The following DIPK2B variants were observed in gnomAD, a reference collection of about 807,000 sequenced individuals.
DIPK2B encodes the protein divergent protein kinase domain 2B, also known as UPF0672 protein CXorf36.
Under a neutral mutation model 22.2 loss-of-function variants are expected in DIPK2B, and 15 were observed. The observed-to-expected ratio is 0.68, with a 90% CI of 0.45 to 1.04. DIPK2B has a LOEUF of 1.04. Among genes scored for constraint, DIPK2B ranks in the 50% least tolerant of loss-of-function variants. The probability of loss-of-function intolerance (pLI) is 0.00; values close to 1 mark genes in which losing one functional copy is unlikely to be tolerated. For missense variants in DIPK2B, 345 were observed against 348.3 expected (o/e 0.99, Z 0.08); for synonymous variants, 163 against 153.2 (o/e 1.06, Z -0.47).
At position 45,151,404 on chromosome X, in the gene DIPK2B, G is replaced by A. The variant is rs951743589; in HGVS notation, c.*248C>T. 14 of 406,108 alleles carry A rather than the reference G, an allele frequency of 3.4e-5. No individual in the cohort carries two copies. Among genetic ancestry groups the A allele is most frequent in the Non-Finnish European group, 5.5e-5 (13 of 234,797 alleles). The allele number at this position is 406,108 out of a possible 1,213,427, so 33.5% of individuals were successfully genotyped here. A position where few individuals can be genotyped will look rare whatever the true frequency, so the allele number is the denominator to read the frequency against. On this transcript the variant is annotated 3_prime_UTR_variant, in exon 5 of 5. Transcript: ENST00000398000. ...TCTGGTGGAGAACAGAGGAAACTGA[G>A]GCTCAAAGACATTGAGTGAGCGTCC...
At chrX:45,165,962 C>T (rs1284195639) in intron 2 of DIPK2B, among the ~76,000 whole-genome samples, 1 of 111,875 alleles carries the variant, frequency 8.9e-6, no homozygotes, top group Non-Finnish European at 1.9e-5. Context: ...CCCTATGTCC[C>T]CTTATAGCTG....
chrX:45,160,743 G>A (rs1292298566), intron 2 of DIPK2B, among the ~76,000 whole-genome samples: 2 of 112,054 alleles, frequency 1.8e-5, no homozygotes. Context: ...GAAGACAGAT[G>A]AAGTCATTTT....
chrX:45,157,965 G>T (rs2047004131), intron 2 of DIPK2B, 77 bp from the exon 3 acceptor site: 1 of 352,840 alleles, frequency 2.8e-6, no homozygotes, highest in South Asian at 1.0e-4. Context: ...GCAGGAGGGG[G>T]AATGGGCAGA....
chrX:45,187,482 A>G (rs892909490), intron 2 of DIPK2B, among the ~76,000 whole-genome samples: 302 of 109,582 alleles, frequency 2.8e-3, no homozygotes, highest in African/African-American at 9.6e-3. Flanking sequence ...ACACACACAC[A>G]CACACACACA....
intron 2 of DIPK2B, among the ~76,000 whole-genome samples, chrX:45,184,654 T>C (rs946239290): frequency 8.9e-6 from 1 of 112,183 alleles, no homozygotes; most frequent in African/African-American, 3.2e-5. Flanking sequence ...AAATTATTAC[T>C]GCCATAAGTG....
At position 45,185,191 on chromosome X, in the gene DIPK2B, G is replaced by T. The variant is rs73477195; in HGVS notation, c.498+6560C>A. On this transcript the variant is annotated intron_variant, in intron 2 of 4. Transcript: ENST00000398000. ...ATAGATAAATACTATATATTATATA[G>T]TTTAACCTTTGATTCCTTCATAGCA... 6.6e-3 allele frequency among the ~76,000 whole-genome samples: 742 copies of T among 111,786 alleles called. 8 individuals are homozygous for T. Among genetic ancestry groups the T allele is most frequent in the Middle Eastern group, 0.028 (6 of 217 alleles).
At chrX:45,175,481 A>G (rs2047111973) in intron 2 of DIPK2B, among the ~76,000 whole-genome samples, 1 of 108,649 alleles carries the variant, frequency 9.2e-6, no homozygotes. Context: ...AGACTAGAAG[A>G]AAAAACACCA....
At chrX:45,179,508 A>C (rs1198623744) in intron 2 of DIPK2B, among the ~76,000 whole-genome samples, 4 of 111,650 alleles carry the variant, frequency 3.6e-5, no homozygotes, top group African/African-American at 1.3e-4. Context: ...TTAAGATTTT[A>C]AGAAAATAGA....
At chrX:45,185,477 G>A (rs751223104) in intron 2 of DIPK2B, among the ~76,000 whole-genome samples, 12 of 110,458 alleles carry the variant, frequency 1.1e-4, no homozygotes, top group Admixed American at 9.6e-4. Context: ...CTTCGGTTAC[G>A]TTTTGGCTGG....
rs758871668 is a variant in DIPK2B at position 45,157,892 on chromosome X, C to T, written c.499-4G>A. On this transcript the variant is annotated splice_polypyrimidine_tract_variant and splice_region_variant and intron_variant, in intron 2 of 4. Transcript: ENST00000398000. ...GCAGGAGCGGGCTGGCCAGGCCCTA[C>T]GCGCAGGTGGGAGAGAGGCGGGAGA... 1.2e-5 allele frequency: 13 copies of T among 1,085,656 alleles called. No individual in the cohort carries two copies. The African/African-American group carries it at 2.1e-4, about 18-fold the overall frequency. The allele number at this position is 1,085,656 out of a possible 1,213,427, so 89.5% of individuals were successfully genotyped here. A position where few individuals can be genotyped will look rare whatever the true frequency, so the allele number is the denominator to read the frequency against.
intron 1 of DIPK2B, among the ~76,000 whole-genome samples, chrX:45,199,875 GTGATGCC>G (rs928320900): frequency 9.0e-6 from 1 of 111,206 alleles, no homozygotes; most frequent in African/African-American, 3.3e-5. Flanking sequence ...AATTCCAAGT[GTGATGCC>G]ATTCTTTGCT....
chrX:45,180,298 C>T (rs2047142791), intron 2 of DIPK2B, among the ~76,000 whole-genome samples: 1 of 111,874 alleles, frequency 8.9e-6, no homozygotes, highest in Admixed American at 9.5e-5. Flanking sequence ...AAGGCTCACC[C>T]AGCCTTGAAG....
At chrX:45,167,551 T>C (rs1157594458) in intron 2 of DIPK2B, among the ~76,000 whole-genome samples, 2 of 106,476 alleles carry the variant, frequency 1.9e-5, no homozygotes, top group Non-Finnish European at 1.9e-5. Flanking sequence ...GTTTTCCTAC[T>C]ACAGTACATG....
chrX:45,165,741 C>A (rs984333539), intron 2 of DIPK2B, among the ~76,000 whole-genome samples: 25 of 112,082 alleles, frequency 2.2e-4, no homozygotes, highest in African/African-American at 7.4e-4. Flanking sequence ...TAAAAAGAAC[C>A]AGAGACACTG....
intron 1 of DIPK2B, among the ~76,000 whole-genome samples, chrX:45,198,554 C>G (rs945880492): frequency 1.8e-5 from 2 of 111,508 alleles, no homozygotes; most frequent in East Asian, 2.8e-4. Context: ...TGGACTCTAA[C>G]GGAATGCAAA....
chrX:45,184,357 G>A (rs2047169942), intron 2 of DIPK2B, among the ~76,000 whole-genome samples: 1 of 111,961 alleles, frequency 8.9e-6, no homozygotes, highest in Non-Finnish European at 1.9e-5. Flanking sequence ...GTATGATACG[G>A]TAGATGACCC....
At chrX:45,185,056 AC>A (rs1437054791) in intron 2 of DIPK2B, among the ~76,000 whole-genome samples, 1 of 112,420 alleles carries the variant, frequency 8.9e-6, no homozygotes, top group African/African-American at 3.2e-5. Context: ...GAACACAATC[AC>A]GGTAGCACAA....
chrX:45,180,529 C>T (rs549476295), intron 2 of DIPK2B, among the ~76,000 whole-genome samples: 4 of 110,249 alleles, frequency 3.6e-5, no homozygotes, highest in Non-Finnish European at 5.7e-5. Context: ...CATATCTTAA[C>T]GTGAGAAAAA....
chrX:45,151,625 C>T lies in DIPK2B; in HGVS notation c.*27G>A. On this transcript the variant is annotated 3_prime_UTR_variant, in exon 5 of 5. Coordinates refer to ENST00000398000, the MANE Select transcript of DIPK2B (RefSeq NM_176819.4). The stretch of plus-strand genomic sequence containing the variant: ...GAGAATGGAGAGCCAAGCGTGTTGT[C>T]CCCAAGGCCAGCTAGACACCAGCCC... 1.7e-6 allele frequency: 2 copies of T among 1,185,928 alleles called. No homozygotes were observed. The highest frequency in any genetic ancestry group is 3.7e-5 in the South Asian group (2 of 53,649).
Sources: gnomAD v4.1 joint callset for allele counts (sites outside exome capture counted in the v4.1 genomes callset) on GRCh38, gnomAD v4.1.1 for gene constraint, MANE v1.5 for transcripts, NCBI Gene and HGNC (gene_info 2026-07-23, HGNC 2026-07-21) for gene names.